Variants in SYTL2 observed in about 807,000 individuals in gnomAD.
The protein encoded by SYTL2 is synaptotagmin-like protein 2.
Under a neutral mutation model 198.7 loss-of-function variants are expected in SYTL2, and 165 were observed. The observed-to-expected ratio is 0.83, with a 90% CI of 0.73 to 0.94. SYTL2 has a LOEUF of 0.94. SYTL2 is among the 40% of genes least tolerant of loss of function. SYTL2 has a pLI of 0.00. For synonymous variants in SYTL2, 966 were observed against 917.7 expected, an observed-to-expected ratio of 1.05 and a Z score of -0.95; for missense variants, 2,835 against 2,582.8, an observed-to-expected ratio of 1.10 and a Z score of -2.12.
intron 1 of SYTL2, among the ~76,000 whole-genome samples, chr11:85,779,627 C>A: frequency 7.6e-6 from 1 of 130,764 alleles, no homozygotes. Context: ...ACAGATAAAA[C>A]TCATCAAGTG....
intron 15 of SYTL2, 187 bp from the exon 16 acceptor site, chr11:85,705,215 C>T (rs2084943133): frequency 2.1e-6 from 1 of 472,182 alleles, no homozygotes. Context: ...ATCCATCTTT[C>T]ATAAAAGCTG....
the SYTL2 span, among the ~76,000 whole-genome samples, chr11:85,851,129 A>G: frequency 2.0e-5 from 3 of 152,072 alleles, no homozygotes; most frequent in Non-Finnish European, 4.4e-5. Context: ...ATACATATGT[A>G]TCTAACCTGC....
the SYTL2 span, among the ~76,000 whole-genome samples, chr11:85,844,730 G>C: frequency 6.6e-6 from 1 of 152,076 alleles, no homozygotes; most frequent in African/African-American, 2.4e-5. Context: ...GTGACCCTTA[G>C]GCAAAAGAAA....
chr11:85,827,995 T>C, the SYTL2 span, among the ~76,000 whole-genome samples: 1 of 152,204 alleles, frequency 6.6e-6, no homozygotes, highest in Non-Finnish European at 1.5e-5. Context: ...ATCTTAACCC[T>C]CTGCCATCCT....
the SYTL2 span, chr11:85,853,389 G>C: frequency 4.6e-6 from 2 of 431,916 alleles, no homozygotes; most frequent in Non-Finnish European, 9.2e-6. Flanking sequence ...TGAAACATGT[G>C]CTGTGTCCAC....
intron 1 of SYTL2, among the ~76,000 whole-genome samples, chr11:85,768,400 T>C (rs1290660757): frequency 6.6e-6 from 1 of 152,218 alleles, no homozygotes; most frequent in African/African-American, 2.4e-5. Flanking sequence ...GCAGTTTCCC[T>C]AATGACTCTC....
rs1440143919 is a variant in SYTL2 at position 85,694,509 on chromosome 11, T to C, written c.*686A>G. Reference sequence around the variant, plus strand: ...AAATAAACTCATAAAAATACAGGCTTGAGACCTATTTTAGAATTAAGTCAA... The same window carrying C: ...AAATAAACTCATAAAAATACAGGCTCGAGACCTATTTTAGAATTAAGTCAA... On this transcript the variant is annotated 3_prime_UTR_variant, in exon 20 of 20. Transcript: ENST00000359152. 1 of 152,216 alleles carries C rather than the reference T, an allele frequency of 6.6e-6. No homozygotes were observed. Among genetic ancestry groups the C allele is most frequent in the African/African-American group, 2.4e-5 (1 of 41,460 alleles). The allele number at this position is 152,216 out of a possible 1,614,324, so 9.4% of individuals were successfully genotyped here.
At chr11:85,749,765 C>G (rs922351678) in intron 2 of SYTL2, among the ~76,000 whole-genome samples, 3 of 152,208 alleles carry the variant, frequency 2.0e-5, no homozygotes, top group Non-Finnish European at 4.4e-5. Context: ...CAAACAACTG[C>G]TGGACTGTTG....
chr11:85,782,185 G>A (rs562025339), intron 1 of SYTL2, among the ~76,000 whole-genome samples: 1 of 152,362 alleles, frequency 6.6e-6, no homozygotes, highest in East Asian at 1.9e-4. Context: ...TGACTTCTGT[G>A]CACTGGTAGG....
chr11:85,741,547 T>G (rs1195414774), intron 4 of SYTL2, among the ~76,000 whole-genome samples: 1 of 152,184 alleles, frequency 6.6e-6, no homozygotes, highest in Non-Finnish European at 1.5e-5. Context: ...TATAAATGAC[T>G]TTGTAGGCCA....
At chr11:85,702,680 G>T (rs988729766) in intron 16 of SYTL2, among the ~76,000 whole-genome samples, 4 of 152,138 alleles carry the variant, frequency 2.6e-5, no homozygotes, top group Non-Finnish European at 5.9e-5. Context: ...AATGAAGGTG[G>T]TCTGTGCCTG....
At chr11:85,785,633 A>T (rs1294187448) in intron 1 of SYTL2, among the ~76,000 whole-genome samples, 2 of 152,222 alleles carry the variant, frequency 1.3e-5, no homozygotes, top group Admixed American at 1.3e-4. Flanking sequence ...GAATTAAAGA[A>T]GGTATACTCC....
intron 4 of SYTL2, among the ~76,000 whole-genome samples, chr11:85,739,970 T>C (rs575646668): frequency 2.0e-5 from 3 of 152,278 alleles, no homozygotes; most frequent in African/African-American, 7.2e-5. Context: ...ACCTCCTTTA[T>C]TTGTGTCAAC....
chr11:85,817,232 A>G, the SYTL2 span, among the ~76,000 whole-genome samples: 1 of 152,186 alleles, frequency 6.6e-6, no homozygotes, highest in Non-Finnish European at 1.5e-5. Flanking sequence ...GTGTATACCC[A>G]TTATTTCATG....
At chr11:85,772,459 G>A (rs2092374880) in intron 1 of SYTL2, among the ~76,000 whole-genome samples, 1 of 152,120 alleles carries the variant, frequency 6.6e-6, no homozygotes. Context: ...TAAATAAAAG[G>A]TGCTATTACA....
chr11:85,833,900 G>T, the SYTL2 span, among the ~76,000 whole-genome samples: 2 of 151,604 alleles, frequency 1.3e-5, no homozygotes, highest in Non-Finnish European at 2.9e-5. Context: ...CACCATGCCC[G>T]GCTAATTTTT....
intron 2 of SYTL2, among the ~76,000 whole-genome samples, chr11:85,753,760 CTT>C (rs59239775): frequency 4.1e-4 from 47 of 115,948 alleles, no homozygotes; most frequent in African/African-American, 1.4e-3. Context: ...GAGAAACTCT[CTT>C]TTTTAAAAAA....
intron 6 of SYTL2, among the ~76,000 whole-genome samples, chr11:85,735,686 G>A (rs2090274192): frequency 6.6e-6 from 1 of 152,120 alleles, no homozygotes; most frequent in Non-Finnish European, 1.5e-5. Flanking sequence ...GAACCCGGGA[G>A]GCGAAGGGTG....
intron 1 of SYTL2, among the ~76,000 whole-genome samples, chr11:85,798,355 C>G (rs534132015): frequency 6.6e-6 from 1 of 152,224 alleles, no homozygotes; most frequent in Non-Finnish European, 1.5e-5. Context: ...TAAGCACCTT[C>G]TTCACATGCC....
Sources: allele counts gnomAD v4.1 joint callset (sites outside exome capture counted in the v4.1 genomes callset), GRCh38; gene constraint gnomAD v4.1.1; transcripts MANE v1.5; gene names NCBI Gene and HGNC (gene_info 2026-07-23, HGNC 2026-07-21).